The following KCTD16 variants were observed in gnomAD, a reference collection of about 807,000 sequenced individuals.
KCTD16 encodes BTB/POZ domain-containing protein KCTD16.
A neutral mutation model predicts 33.2 loss-of-function variants in KCTD16; 13 were observed. The observed-to-expected ratio is 0.39, with a 90% CI of 0.25 to 0.62. The LOEUF is 0.62. Ranked by LOEUF, KCTD16 falls within the 20% of genes least tolerant of loss-of-function variation. KCTD16 has a pLI of 0.50. For synonymous variants in KCTD16, 197 were observed against 195.3 expected, an observed-to-expected ratio of 1.01 and a Z score of -0.07; for missense variants, 441 against 525.1, an observed-to-expected ratio of 0.84 and a Z score of 1.57.
At chr5:144,242,823 C>T (rs1335119298) in intron 3 of KCTD16, among the ~76,000 whole-genome samples, 1 of 152,094 alleles carries the variant, frequency 6.6e-6, no homozygotes, top group East Asian at 1.9e-4. Context: ...CTCACTTAAG[C>T]CCAAGGAGAG....
chr5:144,319,769 C>T (rs1169357561), intron 3 of KCTD16, among the ~76,000 whole-genome samples: 1 of 152,100 alleles, frequency 6.6e-6, no homozygotes, highest in East Asian at 1.9e-4. Flanking sequence ...TTTTGGAAAA[C>T]TGTGTTGCTT....
chr5:144,401,466 G>T (rs904120808), intron 3 of KCTD16, among the ~76,000 whole-genome samples: 1 of 152,140 alleles, frequency 6.6e-6, no homozygotes, highest in Non-Finnish European at 1.5e-5. Flanking sequence ...ATTAAAAAAA[G>T]TTAAAGACAT....
chr5:144,311,450 G>A (rs1264029568), intron 3 of KCTD16, among the ~76,000 whole-genome samples: 1 of 152,018 alleles, frequency 6.6e-6, no homozygotes, highest in South Asian at 2.1e-4. Flanking sequence ...CTACTTCTAG[G>A]AAGTATGCTG....
At chr5:144,343,455 T>C (rs1752700317) in intron 3 of KCTD16, among the ~76,000 whole-genome samples, 1 of 152,238 alleles carries the variant, frequency 6.6e-6, no homozygotes. Context: ...TATGTCTATT[T>C]GATTCTTCTC....
intron 3 of KCTD16, among the ~76,000 whole-genome samples, chr5:144,397,077 C>T: frequency 8.4e-6 from 1 of 118,956 alleles, no homozygotes; most frequent in African/African-American, 3.1e-5. Flanking sequence ...TCCCCCCTCC[C>T]CCCACCCCAC....
chr5:144,224,195 A>C (rs1307667342), intron 3 of KCTD16, among the ~76,000 whole-genome samples: 1 of 152,130 alleles, frequency 6.6e-6, no homozygotes, highest in Non-Finnish European at 1.5e-5. Context: ...TGTCACCTTA[A>C]TTATCCACTT....
In KCTD16 at chr5:144,478,446, T is replaced by C. The variant is rs1754639431; in HGVS notation, c.*4332T>C. The C allele has an allele frequency of 6.6e-6, 1 of 152,096 alleles. No individual in the cohort carries two copies. The highest frequency in any genetic ancestry group is 2.1e-4 in the South Asian group (1 of 4,832). The allele number at this position is 152,096 out of a possible 1,614,324, so 9.4% of individuals were successfully genotyped here. A position where few individuals can be genotyped will look rare whatever the true frequency, so the allele number is the denominator to read the frequency against. ...ATTATTCTCATCTTGCTGTATACGT[T>C]GGAATGGAGATTCTTTTTCCAGTGA... On this transcript the variant is annotated 3_prime_UTR_variant, in exon 4 of 4. Transcript: ENST00000512467.
chr5:144,408,056 C>G (rs1334917583), intron 3 of KCTD16, among the ~76,000 whole-genome samples: 1 of 152,188 alleles, frequency 6.6e-6, no homozygotes, highest in Non-Finnish European at 1.5e-5. Context: ...TGGATATATA[C>G]CCAGTAATGG....
chr5:144,176,317 A>G (rs1752504966), intron 2 of KCTD16, among the ~76,000 whole-genome samples: 1 of 152,184 alleles, frequency 6.6e-6, no homozygotes. Flanking sequence ...TTTATTGGCA[A>G]AGAAAGAAAA....
At chr5:144,317,686 C>T (rs892339602) in intron 3 of KCTD16, among the ~76,000 whole-genome samples, 2 of 152,190 alleles carry the variant, frequency 1.3e-5, no homozygotes, top group African/African-American at 4.8e-5. Context: ...AAGAAAATCC[C>T]TTCAAATCCT....
At chr5:144,289,484 G>T (rs569062692) in intron 3 of KCTD16, among the ~76,000 whole-genome samples, 3 of 152,242 alleles carry the variant, frequency 2.0e-5, no homozygotes, top group African/African-American at 7.2e-5. Flanking sequence ...TCTGGTAGGA[G>T]AGGGCTGCCT....
At chr5:144,283,011 C>A (rs1260695643) in intron 3 of KCTD16, among the ~76,000 whole-genome samples, 2 of 152,132 alleles carry the variant, frequency 1.3e-5, no homozygotes, top group Non-Finnish European at 2.9e-5. Context: ...TTTCCTGGTA[C>A]CCTGGCCACT....
chr5:144,365,714 C>A (rs997651430), intron 3 of KCTD16, among the ~76,000 whole-genome samples: 2 of 152,098 alleles, frequency 1.3e-5, no homozygotes, highest in East Asian at 3.8e-4. Context: ...ATGAACGTGC[C>A]AAGTTGCAAT....
rs541177213 is a variant in KCTD16 at position 144,480,048 on chromosome 5, C to T, written c.*5934C>T. 6.6e-6 allele frequency: 1 copy of T among 152,074 alleles called. No individual in the cohort carries two copies. The highest frequency in any genetic ancestry group is 2.4e-5 in the African/African-American group (1 of 41,516). 9.4% of individuals were successfully genotyped at this position (152,074 alleles called of 1,614,324 possible). A position where few individuals can be genotyped will look rare whatever the true frequency, so the allele number is the denominator to read the frequency against. On this transcript the variant is annotated 3_prime_UTR_variant, in exon 4 of 4. Coordinates refer to ENST00000512467, the MANE Select transcript of KCTD16 (RefSeq NM_020768.4). ...TTTGCACAGTGAAAAATCAACATAACTTTATATTCTCTTCCTGCTGATGTG... is the reference window on the plus strand; with the variant it reads ...TTTGCACAGTGAAAAATCAACATAATTTTATATTCTCTTCCTGCTGATGTG...
chr5:144,184,271 A>G (rs895688461), intron 2 of KCTD16, among the ~76,000 whole-genome samples: 4 of 152,086 alleles, frequency 2.6e-5, no homozygotes, highest in Admixed American at 6.5e-5. Flanking sequence ...TCTGGCAAAC[A>G]CCATTCTACT....
At chr5:144,428,553 G>A (rs925150815) in intron 3 of KCTD16, among the ~76,000 whole-genome samples, 2 of 152,148 alleles carry the variant, frequency 1.3e-5, no homozygotes, top group African/African-American at 4.8e-5. Context: ...CTGAGTGAAT[G>A]ACTTAAATCA....
At chr5:144,392,823 C>T (rs2126939668) in intron 3 of KCTD16, among the ~76,000 whole-genome samples, 1 of 152,278 alleles carries the variant, frequency 6.6e-6, no homozygotes, top group East Asian at 1.9e-4. Context: ...CATGGAAACA[C>T]ATGCGCACGT....
At chr5:144,469,488 C>A (rs1020257227) in intron 3 of KCTD16, among the ~76,000 whole-genome samples, 4 of 152,106 alleles carry the variant, frequency 2.6e-5, no homozygotes, top group African/African-American at 9.7e-5. Context: ...GATTTGTTTC[C>A]CTTATATGGA....
chr5:144,379,206 C>T (rs1431168192), intron 3 of KCTD16, among the ~76,000 whole-genome samples: 1 of 152,156 alleles, frequency 6.6e-6, no homozygotes, highest in Middle Eastern at 3.2e-3. Flanking sequence ...TTTATGCCTG[C>T]TCTTTGGCCT....
Sources: allele counts gnomAD v4.1 joint callset (sites outside exome capture counted in the v4.1 genomes callset), GRCh38; gene constraint gnomAD v4.1.1; transcripts MANE v1.5; gene names NCBI Gene and HGNC (gene_info 2026-07-23, HGNC 2026-07-21).